TSHZ2: variants seen among roughly 807,000 people sequenced by gnomAD.
The protein encoded by TSHZ2 is teashirt zinc finger homeobox 2, also known as teashirt homolog 2.
In TSHZ2, 21 loss-of-function variants were observed where a neutral mutation model predicts 74.4. The ratio of observed to expected loss-of-function variants is 0.28; its 90% confidence interval spans 0.20 to 0.41. The LOEUF (loss-of-function observed/expected upper bound fraction) is 0.41. Ranked by LOEUF, TSHZ2 falls within the 10% of genes least tolerant of loss-of-function variation. TSHZ2 has a pLI of 1.00. For missense variants in TSHZ2, 1,244 were observed against 1,293.5 expected, an observed-to-expected ratio of 0.96 and a Z score of 0.59; for synonymous variants, 540 against 515.3, an observed-to-expected ratio of 1.05 and a Z score of -0.65.
chr20:53,160,833 C>T (rs1287748221), intron 1 of TSHZ2, among the ~76,000 whole-genome samples: 1 of 150,696 alleles, frequency 6.6e-6, no homozygotes, highest in Non-Finnish European at 1.5e-5. Flanking sequence ...TTTTCTTTTG[C>T]TCACCATAGG....
At position 53,255,667 on chromosome 20, in the gene TSHZ2, A is replaced by G. The variant is rs1306503915; in HGVS notation, c.2209A>G (p.Met737Val). The G allele has an allele frequency of 3.2e-6, 5 of 1,580,268 alleles. No homozygotes were observed. Among genetic ancestry groups the G allele is most frequent in the African/African-American group, 1.4e-5 (1 of 74,022 alleles). ...GTTCCACAAGTCGAATCTCAATGTC[A>G]TGGACAAGCCGGTCTTGAGTCCTGC... ...SMFHKSNLNV[M>V]DKPVLSPAST... The change falls in exon 2 of 3, where the codon ATG becomes GTG. Residue 737 changes from methionine to valine, a missense_variant. Around this residue, in one of 6 missense-constraint regions of TSHZ2, gnomAD observed 562 missense variants for 544.0 expected, o/e 1.03. Transcript: ENST00000371497. The surrounding 1 kb of genome is among the most constrained non-coding windows in gnomAD (Gnocchi z 4.1).
At chr20:53,291,452 G>A (rs1158420698) in intron 2 of TSHZ2, among the ~76,000 whole-genome samples, 1 of 135,574 alleles carries the variant, frequency 7.4e-6, no homozygotes, top group Non-Finnish European at 1.5e-5. Flanking sequence ...TGGCCTGGAC[G>A]ATAGAGCAAG....
chr20:52,995,510 A>G (rs1388577820), intron 1 of TSHZ2, among the ~76,000 whole-genome samples: 11 of 152,240 alleles, frequency 7.2e-5, no homozygotes, highest in Non-Finnish European at 1.3e-4. Flanking sequence ...CAGAGCCAGC[A>G]GAGTCCATAG....
chr20:53,253,890 C>T lies in TSHZ2; in HGVS notation c.432C>T (p.Gly144=), dbSNP rs1990392511. 1 of 1,614,072 alleles carries T rather than the reference C, an allele frequency of 6.2e-7. No homozygotes were observed. Among genetic ancestry groups the T allele is most frequent in the African/African-American group, 1.3e-5 (1 of 74,930 alleles). The stretch of plus-strand genomic sequence containing the variant: ...CCTACTGGTCAGGCCTGGGCCTTGG[C>T]TTCAAGCTGTCCAATAGTGAGAGGA... ...SDSYWSGLGL[G]FKLSNSERRN... The change falls in exon 2 of 3, where the codon GGC becomes GGT. Residue 144 remains glycine, a synonymous_variant. Coordinates refer to ENST00000371497, the MANE Select transcript of TSHZ2 (RefSeq NM_173485.6).
At chr20:53,218,326 T>C (rs975908929) in intron 1 of TSHZ2, among the ~76,000 whole-genome samples, 4 of 152,248 alleles carry the variant, frequency 2.6e-5, no homozygotes, top group African/African-American at 7.2e-5. Flanking sequence ...AACATTGAGA[T>C]GCATTAAGCA....
chr20:53,310,964 C>T (rs893809558), intron 2 of TSHZ2, among the ~76,000 whole-genome samples: 1 of 152,204 alleles, frequency 6.6e-6, no homozygotes, highest in Non-Finnish European at 1.5e-5. Flanking sequence ...AAGAGCCTGG[C>T]TGCCAAAATG....
chr20:53,482,335 T>C (rs1293410559), intron 2 of TSHZ2, among the ~76,000 whole-genome samples: 1 of 152,180 alleles, frequency 6.6e-6, no homozygotes, highest in African/African-American at 2.4e-5. Flanking sequence ...TATGATCTCC[T>C]GAACTGCAGC....
At chr20:53,065,672 G>T (rs1327168681) in intron 1 of TSHZ2, among the ~76,000 whole-genome samples, 1 of 152,200 alleles carries the variant, frequency 6.6e-6, no homozygotes, top group Non-Finnish European at 1.5e-5. Flanking sequence ...TGGAAATCTT[G>T]CTGTGGAATA....
rs930453770 is a variant in TSHZ2, at chr20:53,217,302, T to A, written c.41-36197T>A. Among the ~76,000 whole-genome samples the A allele has an allele frequency of 2.0e-5, 3 of 152,100 alleles. No individual in the cohort carries two copies. The South Asian group carries it at 6.2e-4, about 32-fold the overall frequency. On this transcript the variant is annotated intron_variant, in intron 1 of 2. Coordinates refer to ENST00000371497, the MANE Select transcript of TSHZ2 (RefSeq NM_173485.6). ...GGTCGGACGCCCCACTTCTGGGCGC[T>A]CAGGGAGCAGAAGGGGCCTGGCCTC...
At position 53,491,908 on chromosome 20, in the gene TSHZ2, A is replaced by G. The variant is rs953105508; in HGVS notation, c.*4773A>G. On this transcript the variant is annotated 3_prime_UTR_variant, in exon 3 of 3. Transcript: ENST00000371497. ...GATTATTATTAAGGCCTTTTAAAAT[A>G]CAGGCTGTTTGAAAAAAGACAGATT... The G allele has an allele frequency of 1.3e-5, 2 of 152,198 alleles. No homozygotes were observed. Among genetic ancestry groups the G allele is most frequent in the Non-Finnish European group, 2.9e-5 (2 of 68,026 alleles). The allele number at this position is 152,198 out of a possible 1,614,324, so 9.4% of individuals were successfully genotyped here.
chr20:53,064,005 T>C (rs2123174524), intron 1 of TSHZ2, among the ~76,000 whole-genome samples: 1 of 152,310 alleles, frequency 6.6e-6, no homozygotes, highest in South Asian at 2.1e-4. Context: ...AGCAAATTAC[T>C]ATATCTACAT....
chr20:53,239,159 A>G (rs1314888766), intron 1 of TSHZ2, among the ~76,000 whole-genome samples: 1 of 152,230 alleles, frequency 6.6e-6, no homozygotes, highest in Non-Finnish European at 1.5e-5. Context: ...AGATGCCAGT[A>G]GCACCTTGTC....
intron 1 of TSHZ2, among the ~76,000 whole-genome samples, chr20:52,978,900 C>A (rs753507878): frequency 1.3e-5 from 2 of 152,100 alleles, no homozygotes; most frequent in Non-Finnish European, 2.9e-5. Flanking sequence ...AGTCTGCTTA[C>A]CCCAGAATAG....
intron 1 of TSHZ2, among the ~76,000 whole-genome samples, chr20:52,989,474 T>C (rs1981895005): frequency 6.6e-6 from 1 of 152,222 alleles, no homozygotes; most frequent in African/African-American, 2.4e-5. Flanking sequence ...ACTTGATCAA[T>C]CAATTTCAGA....
chr20:53,234,680 C>T (rs563382975), intron 1 of TSHZ2, among the ~76,000 whole-genome samples: 5 of 152,100 alleles, frequency 3.3e-5, no homozygotes, highest in Non-Finnish European at 5.9e-5. Flanking sequence ...GAGACAGCAG[C>T]CAGCGCAAAG....
rs560265291 is a variant in TSHZ2 at position 53,210,267 on chromosome 20, T to C, written c.41-43232T>C. Reference sequence around the variant, plus strand: ...CCAGCTCAATGGACCCTCTGCCTTTTTGCAAGAGCAGAGAGCCAATGTGAC... The same window carrying C: ...CCAGCTCAATGGACCCTCTGCCTTTCTGCAAGAGCAGAGAGCCAATGTGAC... On this transcript the variant is annotated intron_variant, in intron 1 of 2. Coordinates refer to ENST00000371497, the MANE Select transcript of TSHZ2 (RefSeq NM_173485.6). 2.0e-5 allele frequency among the ~76,000 whole-genome samples: 3 copies of C among 152,310 alleles called. No homozygotes were observed. The East Asian group carries it at 5.8e-4, about 29-fold the overall frequency.
At chr20:53,116,890 T>C (rs1223886532) in intron 1 of TSHZ2, among the ~76,000 whole-genome samples, 1 of 152,094 alleles carries the variant, frequency 6.6e-6, no homozygotes, top group Non-Finnish European at 1.5e-5. Context: ...CAACCAACAC[T>C]TGAGCAAGTT....
chr20:53,197,799 T>G (rs574379518), intron 1 of TSHZ2, among the ~76,000 whole-genome samples: 72 of 152,344 alleles, frequency 4.7e-4, no homozygotes, highest in African/African-American at 1.6e-3. Context: ...TTTAATTGGC[T>G]GTTCCTTTGA....
intron 1 of TSHZ2, among the ~76,000 whole-genome samples, chr20:53,191,088 C>CATACAAAACGTCCTTGCTGT (rs1262045837): frequency 1.3e-5 from 2 of 152,182 alleles, no homozygotes; most frequent in Non-Finnish European, 2.9e-5. Flanking sequence ...CTGTATATCT[C>CATACAAAACGTCCTTGCTGT]ATAGCTTCTT....
Sources: allele counts gnomAD v4.1 joint callset (sites outside exome capture counted in the v4.1 genomes callset), GRCh38; gene constraint gnomAD v4.1.1; regional missense constraint gnomAD v4.1.1; non-coding constraint Gnocchi (gnomAD v3.1); transcripts MANE v1.5; gene names NCBI Gene and HGNC (gene_info 2026-07-23, HGNC 2026-07-21).